The following SIPA1L3 variants were observed in gnomAD, a reference collection of about 807,000 sequenced individuals.
SIPA1L3 encodes the protein signal induced proliferation associated 1 like 3.
SIPA1L3 carries 59 observed loss-of-function variants against 150.1 expected under a neutral mutation model. That is an observed-to-expected ratio of 0.39 (90% confidence interval 0.32 to 0.49). The LOEUF (loss-of-function observed/expected upper bound fraction) is 0.49, where lower values mean the gene tolerates loss of function less well. SIPA1L3 is among the 20% of genes least tolerant of loss of function. SIPA1L3 has a pLI of 0.86. For missense variants in SIPA1L3, 2,211 were observed against 2,489.5 expected, an observed-to-expected ratio of 0.89 and a Z score of 2.38; for synonymous variants, 1,070 against 1,077.6, an observed-to-expected ratio of 0.99 and a Z score of 0.14.
chr19:37,960,263 T>A (rs2046845188), intron 1 of SIPA1L3, among the ~76,000 whole-genome samples: 1 of 152,206 alleles, frequency 6.6e-6, no homozygotes, highest in African/African-American at 2.4e-5. Flanking sequence ...CTTGATTGAT[T>A]GATTTTGGTG....
chr19:38,196,077 C>G (rs992033347), intron 18 of SIPA1L3, among the ~76,000 whole-genome samples: 1 of 152,090 alleles, frequency 6.6e-6, no homozygotes, highest in African/African-American at 2.4e-5. Flanking sequence ...GGCCAGGGAC[C>G]CTGGGCCTCT....
chr19:38,084,812 G>C (rs1970090250), intron 3 of SIPA1L3, among the ~76,000 whole-genome samples: 1 of 151,610 alleles, frequency 6.6e-6, no homozygotes, highest in Non-Finnish European at 1.5e-5. Flanking sequence ...GCTAATTTTT[G>C]TAGTTTTAGT....
chr19:38,104,401 G>T (rs1006177703), intron 6 of SIPA1L3, among the ~76,000 whole-genome samples: 4 of 152,178 alleles, frequency 2.6e-5, no homozygotes, highest in Non-Finnish European at 5.9e-5. Flanking sequence ...GCATGGTGAG[G>T]GTTCCGTGGG....
At chr19:37,927,971 C>T (rs10404159) in intron 1 of SIPA1L3, among the ~76,000 whole-genome samples, 57,453 of 151,852 alleles carry the variant, frequency 0.38, 13,699 homozygotes, top group East Asian at 0.71. Flanking sequence ...GGTTGATTCC[C>T]TGGCTTTGTG....
At chr19:37,912,237 C>A (rs572755217) in intron 1 of SIPA1L3, among the ~76,000 whole-genome samples, 30 of 144,984 alleles carry the variant, frequency 2.1e-4, no homozygotes, top group South Asian at 1.1e-3. Context: ...CACTCTGTCT[C>A]AAAAAAAAAA....
chr19:38,003,183 C>G (rs1202271514), intron 1 of SIPA1L3, among the ~76,000 whole-genome samples: 1 of 152,096 alleles, frequency 6.6e-6, no homozygotes, highest in Non-Finnish European at 1.5e-5. Context: ...AGAGTTTATT[C>G]AGTAAACATC....
At chr19:38,069,399 A>G (rs1000094908) in intron 2 of SIPA1L3, among the ~76,000 whole-genome samples, 7 of 152,074 alleles carry the variant, frequency 4.6e-5, no homozygotes, top group Non-Finnish European at 7.4e-5. Flanking sequence ...CCCCAACCAC[A>G]CCTGCGCTCC....
chr19:37,960,872 AT>A (rs1004076457), intron 1 of SIPA1L3, among the ~76,000 whole-genome samples: 10 of 148,356 alleles, frequency 6.7e-5, no homozygotes, highest in Non-Finnish European at 1.4e-4. Context: ...AAAAAAATAT[AT>A]TTTTTTTTGT....
intron 1 of SIPA1L3, among the ~76,000 whole-genome samples, chr19:37,978,665 C>T (rs987436916): frequency 4.6e-5 from 7 of 152,076 alleles, no homozygotes; most frequent in African/African-American, 1.7e-4. Flanking sequence ...TATTAATTTG[C>T]ATATAGTACA....
intron 6 of SIPA1L3, among the ~76,000 whole-genome samples, chr19:38,103,078 G>A (rs1413954310): frequency 6.6e-6 from 1 of 150,768 alleles, no homozygotes; most frequent in Non-Finnish European, 1.5e-5. Flanking sequence ...AGCCAAGACC[G>A]CACCATTGCA....
chr19:37,963,976 A>C (rs780254860), intron 1 of SIPA1L3: 27 of 152,206 alleles, frequency 1.8e-4, no homozygotes, highest in Non-Finnish European at 3.1e-4. Context: ...AATTGCAAAC[A>C]TATAAGAAGT....
chr19:38,085,590 G>A (rs1223255303), intron 3 of SIPA1L3, among the ~76,000 whole-genome samples: 5 of 152,076 alleles, frequency 3.3e-5, no homozygotes, highest in Non-Finnish European at 7.4e-5. Context: ...GCACCTTTTA[G>A]AGGAACTAAG....
intron 2 of SIPA1L3, among the ~76,000 whole-genome samples, chr19:38,067,033 T>G (rs1969610073): frequency 6.6e-6 from 1 of 151,220 alleles, no homozygotes; most frequent in African/African-American, 2.4e-5. Flanking sequence ...GCCCGGGAGT[T>G]CAAGACCAGC....
chr19:38,099,765 T>A (rs576151281), intron 4 of SIPA1L3, among the ~76,000 whole-genome samples, 197 bp from the exon 5 acceptor site: 2 of 152,322 alleles, frequency 1.3e-5, no homozygotes. Context: ...CTCAGAGATA[T>A]GAAGTCACTT....
At chr19:38,032,840 G>A (rs937714208) in intron 2 of SIPA1L3, among the ~76,000 whole-genome samples, 3 of 129,530 alleles carry the variant, frequency 2.3e-5, no homozygotes, top group African/African-American at 6.0e-5. Flanking sequence ...GCAACAGAGC[G>A]AGACTCGGTC....
chr19:37,972,196 T>TGTGTGG (rs1168379198), intron 1 of SIPA1L3, among the ~76,000 whole-genome samples: 1 of 151,810 alleles, frequency 6.6e-6, no homozygotes, highest in East Asian at 1.9e-4. Context: ...TGTGTGTGTG[T>TGTGTGG]GTGTGTGTGT....
chr19:37,947,218 G>A (rs934835353), intron 1 of SIPA1L3, among the ~76,000 whole-genome samples: 1 of 145,486 alleles, frequency 6.9e-6, no homozygotes, highest in Admixed American at 6.9e-5. Flanking sequence ...GTCCAGGCAT[G>A]GCGGCCCACG....
chr19:37,925,479 G>T (rs1226549664), intron 1 of SIPA1L3, among the ~76,000 whole-genome samples: 1 of 152,192 alleles, frequency 6.6e-6, no homozygotes, highest in Non-Finnish European at 1.5e-5. Flanking sequence ...CAGGAGAGTG[G>T]GAGGGATGAG....
intron 1 of SIPA1L3, among the ~76,000 whole-genome samples, chr19:37,945,763 C>T (rs1195342472): frequency 6.6e-6 from 1 of 152,152 alleles, no homozygotes; most frequent in African/African-American, 2.4e-5. Context: ...ATTATTGGAA[C>T]TCTGAACATC....
Sources: gnomAD v4.1 joint callset for allele counts (sites outside exome capture counted in the v4.1 genomes callset) on GRCh38, gnomAD v4.1.1 for gene constraint, MANE v1.5 for transcripts, NCBI Gene and HGNC (gene_info 2026-07-23, HGNC 2026-07-21) for gene names.